The following ARAP2 variants were observed in gnomAD, a reference collection of about 807,000 sequenced individuals.
ARAP2 encodes the protein ArfGAP with RhoGAP domain, ankyrin repeat and PH domain 2, also known as arf-GAP with Rho-GAP domain, ANK repeat and PH domain-containing protein 2.
Under a neutral mutation model 194.5 loss-of-function variants are expected in ARAP2, and 148 were observed. The observed-to-expected ratio is 0.76, with a 90% confidence interval of 0.67 to 0.87. The LOEUF (loss-of-function observed/expected upper bound fraction) is 0.87. Ranked by LOEUF, ARAP2 falls within the 40% of genes least tolerant of loss-of-function variation. The probability of loss-of-function intolerance (pLI) is 0.00; values close to 1 mark genes in which losing one functional copy is unlikely to be tolerated. For synonymous variants in ARAP2, 695 were observed against 683.5 expected, an observed-to-expected ratio of 1.02 and a Z score of -0.26; for missense variants, 2,128 against 1,989.7, an observed-to-expected ratio of 1.07 and a Z score of -1.32.
At position 36,100,743 on chromosome 4, in the gene ARAP2, C is replaced by T. The variant is rs185317158; in HGVS notation, c.4285+6822G>A. Reference sequence around the variant, plus strand: ...ATAATCACTGCTTGAAAGTATGTTACTTCTTTCTTTCTTACTTTCTTTTTT... The same window carrying T: ...ATAATCACTGCTTGAAAGTATGTTATTTCTTTCTTTCTTACTTTCTTTTTT... On this transcript the variant is annotated intron_variant, in intron 27 of 32. Coordinates refer to ENST00000303965, the MANE Select transcript of ARAP2 (RefSeq NM_015230.4). Among the ~76,000 whole-genome samples, 32 of 152,028 alleles carry T rather than the reference C, an allele frequency of 2.1e-4. 1 individual carries two copies. The East Asian group carries it at 6.0e-3, about 29-fold the overall frequency.
chr4:36,163,985 C>T (rs530881212), intron 11 of ARAP2, among the ~76,000 whole-genome samples: 126 of 152,302 alleles, frequency 8.3e-4, no homozygotes, highest in South Asian at 1.9e-3. Flanking sequence ...TTTGAAGCAA[C>T]TCCTGTGACT....
intron 27 of ARAP2, among the ~76,000 whole-genome samples, chr4:36,095,584 A>T (rs1389431128): frequency 6.6e-6 from 1 of 152,180 alleles, no homozygotes; most frequent in East Asian, 1.9e-4. Flanking sequence ...TGCATAAAAA[A>T]GGGTAGCTCC....
At chr4:36,227,545 T>C (rs1428401419) in intron 2 of ARAP2, among the ~76,000 whole-genome samples, 2 of 152,110 alleles carry the variant, frequency 1.3e-5, no homozygotes, top group Non-Finnish European at 2.9e-5. Context: ...GTAACTACTA[T>C]TAGCACTGCA....
chr4:36,111,145 T>C (rs1487569098), intron 26 of ARAP2, among the ~76,000 whole-genome samples: 1 of 151,984 alleles, frequency 6.6e-6, no homozygotes, highest in African/African-American at 2.4e-5. Flanking sequence ...TATAAATTTA[T>C]ATATTCATTC....
At chr4:36,026,504 T>G (rs1051830073) in intron 5 of ARAP2, among the ~76,000 whole-genome samples, 8 of 152,144 alleles carry the variant, frequency 5.3e-5, no homozygotes, top group Non-Finnish European at 1.0e-4. Context: ...ACATCTGCTG[T>G]GAGTGACAAT....
Position 36,107,467 on chromosome 4 carries a change from C to T in ARAP2, c.4285+98G>A, listed in dbSNP as rs923226570. On this transcript the variant is annotated intron_variant, in intron 27 of 32. Coordinates refer to ENST00000303965, the MANE Select transcript of ARAP2 (RefSeq NM_015230.4). ...TCAGTTCATTCTGTATCTAGCTACT[C>T]GTTTTTCACATTTTCAAATATTACT... 1.6e-5 allele frequency: 21 copies of T among 1,285,934 alleles called. No individual in the cohort carries two copies. In the Admixed American group the frequency reaches 4.2e-4, roughly 26 times the overall value. 79.7% of individuals were successfully genotyped at this position (1,285,934 alleles called of 1,614,324 possible). A position where few individuals can be genotyped will look rare whatever the true frequency, so the allele number is the denominator to read the frequency against.
Position 36,068,265 on chromosome 4 carries a change from T to A in ARAP2, c.4757A>T (p.Glu1586Val), listed in dbSNP as rs753598837. The A allele has an allele frequency of 6.4e-7, 1 of 1,552,784 alleles. No individual in the cohort carries two copies. The highest frequency in any genetic ancestry group is 1.2e-5 in the South Asian group (1 of 80,862). Residue 1586 changes from glutamate (E) to valine (V), a missense_variant, in exon 33 of 33, where the codon GAA becomes GTA. Glu to Val is a moderately radical substitution (Grantham distance 121, BLOSUM62 -2). Coordinates refer to ENST00000303965, the MANE Select transcript of ARAP2 (RefSeq NM_015230.4). ...TTCACTGAGCCGCAGCCTTTCAAGT[T>A]CTGCTCTTGCACTCTAAAAATAAAA... Reference protein sequence around the residue: ...ARKNIESARAELERLRLSEKC... With the variant: ...ARKNIESARAVLERLRLSEKC...
chr4:36,158,312 A>G (rs1247243323), intron 15 of ARAP2, among the ~76,000 whole-genome samples: 2 of 152,096 alleles, frequency 1.3e-5, no homozygotes, highest in African/African-American at 4.8e-5. Flanking sequence ...GAAAAAAAAA[A>G]CCTGAACTAT....
At chr4:36,052,825 G>A (rs1722901877) in intron 2 of ARAP2, among the ~76,000 whole-genome samples, 1 of 151,998 alleles carries the variant, frequency 6.6e-6, no homozygotes, top group Non-Finnish European at 1.5e-5. Context: ...AAAATGAGCC[G>A]GGCGTGGTGG....
intron 9 of ARAP2, among the ~76,000 whole-genome samples, chr4:36,010,630 T>G (rs1714321090): frequency 6.6e-6 from 1 of 152,136 alleles, no homozygotes; most frequent in Non-Finnish European, 1.5e-5. Context: ...CTCATCAGAT[T>G]CATGAGGGAC....
intron 5 of ARAP2, among the ~76,000 whole-genome samples, chr4:36,025,575 C>T (rs938347869): frequency 5.3e-5 from 8 of 151,992 alleles, no homozygotes; most frequent in Admixed American, 1.3e-4. Flanking sequence ...TCTGACATCC[C>T]GTTCAATCTC....
At chr4:36,018,112 A>T in intron 6 of ARAP2, among the ~76,000 whole-genome samples, 1 of 152,142 alleles carries the variant, frequency 6.6e-6, no homozygotes, top group East Asian at 1.9e-4. Flanking sequence ...AAAGTATACA[A>T]AGTTTAAAAT....
At chr4:36,087,091 C>T (rs905375189) in intron 28 of ARAP2, among the ~76,000 whole-genome samples, 1 of 151,954 alleles carries the variant, frequency 6.6e-6, no homozygotes, top group Admixed American at 6.6e-5. Context: ...TTAATGGCAA[C>T]CACTAAAACA....
At chr4:36,161,640 T>C (rs1284833194) in intron 11 of ARAP2, 90 bp from the exon 12 acceptor site, 5 of 1,026,626 alleles carry the variant, frequency 4.9e-6, no homozygotes, top group East Asian at 2.5e-5. Flanking sequence ...TGTCTGTGTA[T>C]GTTCGTTGCG....
At chr4:36,238,576 T>C (rs955698695) in intron 1 of ARAP2, among the ~76,000 whole-genome samples, 3 of 152,204 alleles carry the variant, frequency 2.0e-5, no homozygotes, top group African/African-American at 7.2e-5. Context: ...ATATTCACAC[T>C]AGGGAAATGC....
intron 28 of ARAP2, among the ~76,000 whole-genome samples, chr4:36,084,726 A>G (rs1273966940): frequency 4.6e-5 from 7 of 152,112 alleles, no homozygotes; most frequent in Admixed American, 4.6e-4. Context: ...ATATAACAGA[A>G]ATACAGGGGA....
chr4:36,233,611 C>G (rs1052146606), intron 1 of ARAP2, among the ~76,000 whole-genome samples: 1 of 152,222 alleles, frequency 6.6e-6, no homozygotes, highest in African/African-American at 2.4e-5. Context: ...CACTTTCTAG[C>G]AGTGTAAACA....
At chr4:36,139,175 A>AT (rs537075875) in intron 19 of ARAP2, among the ~76,000 whole-genome samples, 3 of 151,586 alleles carry the variant, frequency 2.0e-5, no homozygotes, top group South Asian at 2.1e-4. Flanking sequence ...AATACTTGTG[A>AT]TTTTTTCTAA....
At chr4:36,092,412 C>A (rs1179907688) in intron 27 of ARAP2, among the ~76,000 whole-genome samples, 2 of 152,058 alleles carry the variant, frequency 1.3e-5, no homozygotes, top group African/African-American at 4.8e-5. Context: ...GAGTTCAAGA[C>A]CAGCCTGGCC....
Sources: gnomAD v4.1 joint callset for allele counts (sites outside exome capture counted in the v4.1 genomes callset) on GRCh38, gnomAD v4.1.1 for gene constraint, MANE v1.5 for transcripts, NCBI Gene and HGNC (gene_info 2026-07-23, HGNC 2026-07-21) for gene names.